Variants in AFF1 observed in about 807,000 individuals in gnomAD.
AFF1 encodes the protein AF4/FMR2 family member 1.
A neutral mutation model predicts 121.7 loss-of-function variants in AFF1; 48 were observed. That is an observed-to-expected ratio of 0.39 (90% CI 0.31 to 0.50). AFF1 has a LOEUF of 0.50. AFF1 is among the 20% of genes least tolerant of loss of function. The pLI is 0.76. For synonymous variants in AFF1, 613 were observed against 563.0 expected, an observed-to-expected ratio of 1.09 and a Z score of -1.26; for missense variants, 1,523 against 1,511.7, an observed-to-expected ratio of 1.01 and a Z score of -0.12.
At chr4:87,102,057 T>C (rs1433216831) in intron 8 of AFF1, among the ~76,000 whole-genome samples, 2 of 134,238 alleles carry the variant, frequency 1.5e-5, no homozygotes, top group South Asian at 2.4e-4. Context: ...TAAGCTTTGC[T>C]AGAACAGCTG....
intron 2 of AFF1, chr4:87,007,124 C>T (rs1282798971): frequency 3.8e-5 from 48 of 1,268,962 alleles, no homozygotes; most frequent in Non-Finnish European, 4.7e-5. Context: ...TCGCTTGCCC[C>T]GGATTCGGAC....
chr4:87,010,409 G>C (rs912664402), intron 2 of AFF1, among the ~76,000 whole-genome samples: 1 of 152,190 alleles, frequency 6.6e-6, no homozygotes, highest in Non-Finnish European at 1.5e-5. Context: ...TCTCAGATAA[G>C]TGTGTGCTTT....
At position 87,084,142 on chromosome 4, in the gene AFF1, A is replaced by G. The variant is rs370577160; in HGVS notation, c.1082A>G (p.His361Arg). The change falls in exon 5 of 21, where the codon CAT becomes CGT. Residue 361 changes from histidine (H) to arginine (R), a missense_variant. By Grantham distance (29) the His-to-Arg change is conservative. This residue lies in a region of AFF1 where 905 missense variants were observed against 842.5 expected (regional missense o/e 1.07). Coordinates refer to ENST00000395146, the MANE Select transcript of AFF1 (RefSeq NM_001166693.3). The part of the protein sequence containing the change: ...SVEQTYSNEV[H>R]CVEEILKEMT... ...CAGCAGACCTACTCCAATGAAGTCC[A>G]TTGTGTTGAAGAGATTCTGAAGGTG... The G allele has an allele frequency of 6.2e-7, 1 of 1,613,744 alleles. No homozygotes were observed. Among genetic ancestry groups the G allele is most frequent in the Non-Finnish European group, 8.5e-7 (1 of 1,179,812 alleles).
chr4:87,047,584 A>C lies in AFF1; in HGVS notation c.1049A>C (p.Gln350Pro), dbSNP rs55652800. 1.4e-4 allele frequency: 218 copies of C among 1,614,176 alleles called. 1 individual carries two copies. In the African/African-American group the frequency reaches 2.6e-3, roughly 19 times the overall value. The change falls in exon 4 of 21, where the codon CAG (glutamine) becomes CCG (proline). Residue 350 changes from glutamine to proline, a missense_variant. Around this residue, in one of 5 missense-constraint regions of AFF1, gnomAD observed 905 missense variants for 842.5 expected, o/e 1.07. Coordinates refer to ENST00000395146, the MANE Select transcript of AFF1 (RefSeq NM_001166693.3). The part of the protein sequence containing the change: ...AKLTKLKMPS[Q>P]SVEQTYSNEV... Reference sequence around the variant, plus strand: ...CTCACCAAACTGAAGATGCCTTCTCAGTCAGTTGAGGTGTGTGGAATTTCT... The same window carrying C: ...CTCACCAAACTGAAGATGCCTTCTCCGTCAGTTGAGGTGTGTGGAATTTCT...
At chr4:87,055,447 A>G (rs1259095047) in intron 4 of AFF1, among the ~76,000 whole-genome samples, 1 of 152,234 alleles carries the variant, frequency 6.6e-6, no homozygotes, top group Non-Finnish European at 1.5e-5. Context: ...ATTTGGTACC[A>G]GGATGAGAAA....
intron 2 of AFF1, among the ~76,000 whole-genome samples, chr4:87,013,032 C>CTTTTTTTTTTTTTTTTTTTTTT (rs61071328): frequency 4.3e-5 from 4 of 93,488 alleles, no homozygotes; most frequent in African/African-American, 8.6e-5. Context: ...CTATCAAGTT[C>CTTTTTTTTTTTTTTTTTTTTTT]TTTTTTTTTT....
chr4:87,039,479 AGTTAGTGGATTCG>A (rs1233098794), intron 2 of AFF1, among the ~76,000 whole-genome samples: 2 of 152,138 alleles, frequency 1.3e-5, no homozygotes, highest in Admixed American at 6.5e-5. Context: ...TCTTGTGCTG[AGTTAGTGGATTCG>A]GTCAGTGAAA....
At chr4:86,994,384 G>A (rs967201898) in intron 2 of AFF1, among the ~76,000 whole-genome samples, 4 of 152,184 alleles carry the variant, frequency 2.6e-5, no homozygotes, top group African/African-American at 9.7e-5. Context: ...GTTGGAAATT[G>A]TTCATTGATC....
chr4:87,082,033 G>A (rs891296450), intron 4 of AFF1, among the ~76,000 whole-genome samples: 2 of 152,130 alleles, frequency 1.3e-5, no homozygotes. Context: ...AAATCACTGT[G>A]TTGGAAACAA....
intron 20 of AFF1, 37 bp downstream of exon 20, chr4:87,134,731 GT>G (rs1259837707): frequency 1.3e-6 from 2 of 1,523,680 alleles, no homozygotes; most frequent in African/African-American, 2.8e-5. Context: ...TTACTGGGGT[GT>G]TTGGATTGGG....
intron 4 of AFF1, among the ~76,000 whole-genome samples, chr4:87,059,980 G>C (rs980805548): frequency 6.6e-6 from 1 of 152,180 alleles, no homozygotes; most frequent in Admixed American, 6.5e-5. Flanking sequence ...AGCTCACTCT[G>C]GTCTGGAGTC....
chr4:87,020,470 G>A (rs1238867817), intron 2 of AFF1, among the ~76,000 whole-genome samples: 15 of 151,990 alleles, frequency 9.9e-5, no homozygotes. Flanking sequence ...TGCAAATGTT[G>A]ATGCCATGTT....
chr4:87,136,478 A>AG lies in AFF1; in HGVS notation c.*779dup, dbSNP rs1486063185. 4.3e-6 allele frequency: 1 copy of AG among 232,614 alleles called. No individual in the cohort carries two copies. Among genetic ancestry groups the AG allele is most frequent in the African/African-American group, 2.2e-5 (1 of 45,286 alleles). The allele number at this position is 232,614 out of a possible 1,614,324, so 14.4% of individuals were successfully genotyped here. On this transcript the variant is annotated 3_prime_UTR_variant, in exon 21 of 21. Transcript: ENST00000395146. Reference sequence around the variant, plus strand: ...GGTGCCACCTCGAGGTCTGCACAGGAGGACTTGGCGCTGCCATTTCCTACC... The same window carrying AG: ...GGTGCCACCTCGAGGTCTGCACAGGAGGGACTTGGCGCTGCCATTTCCTACC...
chr4:87,045,542 C>T (rs952833580), intron 2 of AFF1, among the ~76,000 whole-genome samples: 6 of 151,646 alleles, frequency 4.0e-5, no homozygotes, highest in East Asian at 1.9e-4. Context: ...CGTTCTCCGT[C>T]GGTAGAGCTG....
chr4:86,983,576 T>A (rs1157864489), intron 2 of AFF1, among the ~76,000 whole-genome samples: 1 of 151,632 alleles, frequency 6.6e-6, no homozygotes, highest in Non-Finnish European at 1.5e-5. Flanking sequence ...ATATAAAAAA[T>A]TAGCTGGGCA....
At chr4:87,002,397 A>C in intron 2 of AFF1, among the ~76,000 whole-genome samples, 1 of 142,978 alleles carries the variant, frequency 7.0e-6, no homozygotes, top group African/African-American at 2.6e-5. Flanking sequence ...GGCCTGGTCA[A>C]CTCTTAAGTT....
chr4:86,972,650 G>T (rs1723026679), intron 2 of AFF1, among the ~76,000 whole-genome samples: 1 of 152,038 alleles, frequency 6.6e-6, no homozygotes, highest in Admixed American at 6.6e-5. Flanking sequence ...TGATTCTCTT[G>T]CCTCAGCCTC....
intron 2 of AFF1, among the ~76,000 whole-genome samples, chr4:86,991,183 G>A (rs1467652366): frequency 6.6e-6 from 1 of 152,018 alleles, no homozygotes; most frequent in Admixed American, 6.6e-5. Flanking sequence ...AGTGGCTCAC[G>A]CCTGTAATCC....
At chr4:86,971,750 G>A (rs1722962643) in intron 2 of AFF1, among the ~76,000 whole-genome samples, 2 of 152,236 alleles carry the variant, frequency 1.3e-5, no homozygotes, top group African/African-American at 4.8e-5. Flanking sequence ...GCAAGATGAT[G>A]TGGAAGTACA....
Sources: allele counts gnomAD v4.1 joint callset (sites outside exome capture counted in the v4.1 genomes callset), GRCh38; gene constraint gnomAD v4.1.1; regional missense constraint gnomAD v4.1.1; transcripts MANE v1.5; gene names NCBI Gene and HGNC (gene_info 2026-07-23, HGNC 2026-07-21).